Variants in TPSAB1 observed in about 807,000 individuals in gnomAD.
The protein encoded by TPSAB1 is tryptase alpha/beta 1, also known as tryptase alpha/beta-1.
In TPSAB1, 15 loss-of-function variants were observed where a neutral mutation model predicts 21.8. That is an observed-to-expected ratio of 0.69 (90% CI 0.46 to 1.06). The LOEUF (loss-of-function observed/expected upper bound fraction) is 1.06. Ranked by LOEUF, TPSAB1 falls within the 50% of genes least tolerant of loss-of-function variation. The pLI, the probability that TPSAB1 is intolerant of heterozygous loss-of-function variation, is 0.00. For synonymous variants in TPSAB1, 74 were observed against 140.4 expected (o/e 0.53, Z 3.34); for missense variants, 186 against 311.2 (o/e 0.60, Z 3.03).
chr16:1,242,289 G>A lies in TPSAB1; in HGVS notation c.*49G>A, dbSNP rs543496488. 1 of 1,607,958 alleles carries A rather than the reference G, an allele frequency of 6.2e-7. No homozygotes were observed. The highest frequency in any genetic ancestry group is 1.7e-5 in the Admixed American group (1 of 59,776). On this transcript the variant is annotated 3_prime_UTR_variant, in exon 6 of 6. Transcript: ENST00000338844. ...GGTCACTGGAGGACCAACCCCTGCT[G>A]TCCAAAACACCACTGCTTCCTACCC...
Position 1,241,644 on chromosome 16 carries a change from CT to C in TPSAB1, c.446del (p.Phe149SerfsTer27), listed in dbSNP as rs2030651965. On this transcript the variant is annotated frameshift_variant, in exon 4 of 6. Coordinates refer to ENST00000338844, the MANE Select transcript of TPSAB1 (RefSeq NM_003294.4). LOFTEE classifies it high-confidence loss of function. ...TCACCCTGCCCCCTGCCTCAGAGAC[CT>C]TCCCCCCGGGGATGCCGTGCTGGGT... ...TVTLPPASETFPPGMPCWVTG... is the reference protein window; with the variant it reads ...TVTLPPASETXPPGMPCWVTG... The C allele has an allele frequency of 1.2e-6, 1 of 833,458 alleles. No individual in the cohort carries two copies. Among genetic ancestry groups the C allele is most frequent in the Non-Finnish European group, 1.8e-6 (1 of 563,486 alleles). The allele number at this position is 833,458 out of a possible 1,614,324, so 51.6% of individuals were successfully genotyped here.
Position 1,242,375 on chromosome 16 carries a change from G to A in TPSAB1, c.*135G>A, listed in dbSNP as rs1196774720. 25 of 622,014 alleles carry A rather than the reference G, an allele frequency of 4.0e-5. No homozygotes were observed. The highest frequency in any genetic ancestry group is 6.4e-5 in the African/African-American group (3 of 46,782). The allele number at this position is 622,014 out of a possible 1,614,324, so 38.5% of individuals were successfully genotyped here. A position where few individuals can be genotyped will look rare whatever the true frequency, so the allele number is the denominator to read the frequency against. On this transcript the variant is annotated 3_prime_UTR_variant, in exon 6 of 6. Coordinates refer to ENST00000338844, the MANE Select transcript of TPSAB1 (RefSeq NM_003294.4). ...TCCTGAGTGCCCCTTCCTGTCCTAA[G>A]CCCCCTGCTCTCTTCTGAGCCCCTT...
Position 1,241,573 on chromosome 16 carries a change from C to G in TPSAB1, c.373C>G (p.Leu125Val). 7.6e-7 allele frequency: 1 copy of G among 1,314,888 alleles called. No individual in the cohort carries two copies. 81.5% of individuals were successfully genotyped at this position (1,314,888 alleles called of 1,614,324 possible). The change falls in exon 4 of 6, where the codon CTG becomes GTG. Residue 125 changes from leucine to valine, a missense_variant. Around this residue, in one of 4 missense-constraint regions of TPSAB1, gnomAD observed 10 missense variants for 104.5 expected, o/e 0.10. Transcript: ENST00000338844. The part of the protein sequence containing the change: ...TAQIGADIAL[L>V]ELEEPVNVSS... ...CCAGATCGGAGCGGACATCGCCCTG[C>G]TGGAGCTGGAGGAGCCGGTGAACGT...
At chr16:1,242,032 A>ACCCC in intron 5 of TPSAB1, 42 bp downstream of exon 5, 2 of 166,938 alleles carry the variant, frequency 1.2e-5, no homozygotes, top group Non-Finnish European at 8.1e-6. Context: ...CCCAACCCCC[A>ACCCC]CTCCCAGGCC....
In TPSAB1 at chr16:1,242,214, C is replaced by T. The variant is rs778481372; in HGVS notation, c.802C>T (p.His268Tyr). The change falls in exon 6 of 6, where the codon CAC becomes TAC. Residue 268 changes from histidine to tyrosine, a missense_variant. His to Tyr is a moderately conservative substitution (Grantham distance 83). Around this residue, in one of 4 missense-constraint regions of TPSAB1, gnomAD observed 85 missense variants for 104.3 expected, o/e 0.81. Transcript: ENST00000338844. ...TRVTYYLDWI[H>Y]HYVPKKP ...TGTCACCTACTACTTGGACTGGATCCACCACTATGTCCCCAAAAAGCCGTG... is the reference window on the plus strand; with the variant it reads ...TGTCACCTACTACTTGGACTGGATCTACCACTATGTCCCCAAAAAGCCGTG... 27 of 1,610,320 alleles carry T rather than the reference C, an allele frequency of 1.7e-5. No homozygotes were observed. In the Middle Eastern group the frequency reaches 3.1e-3, roughly 188 times the overall value.
In TPSAB1 at chr16:1,242,188, G is replaced by T. The variant is rs764277727; in HGVS notation, c.776G>T (p.Arg259Leu). 4 of 1,602,344 alleles carry T rather than the reference G, an allele frequency of 2.5e-6. No homozygotes were observed. The South Asian group carries it at 4.5e-5, about 18-fold the overall frequency. Residue 259 changes from arginine to leucine, a missense_variant, in exon 6 of 6, where the codon CGT becomes CTT. Physicochemically the swap from Arg to Leu is moderately radical, Grantham distance 102 (BLOSUM62 -2). This residue lies in a region of TPSAB1 where 85 missense variants were observed against 104.3 expected (regional missense o/e 0.81). Coordinates refer to ENST00000338844, the MANE Select transcript of TPSAB1 (RefSeq NM_003294.4). ...CCCAACCGGCCTGGCATCTACACCCGTGTCACCTACTACTTGGACTGGATC... is the reference window on the plus strand; with the variant it reads ...CCCAACCGGCCTGGCATCTACACCCTTGTCACCTACTACTTGGACTGGATC... Reference protein sequence around the residue: ...AQPNRPGIYTRVTYYLDWIHH... With the variant: ...AQPNRPGIYTLVTYYLDWIHH...
rs760213 is a variant in TPSAB1, at chr16:1,241,074, T to C, written c.61+75T>C. ...AGGGCCTGGGTGGGTTCTGGGGAGG[T>C]CGGGCTGGCCCCCACACAGGGAAGG... On this transcript the variant is annotated intron_variant, in intron 2 of 5. Coordinates refer to ENST00000338844, the MANE Select transcript of TPSAB1 (RefSeq NM_003294.4). 666,096 of 1,414,330 alleles carry C rather than the reference T, an allele frequency of 0.47. 141,385 individuals are homozygous for C. The highest frequency in any genetic ancestry group is 0.8 in the East Asian group (31,616 of 39,736). 87.6% of individuals were successfully genotyped at this position (1,414,330 alleles called of 1,614,324 possible). A position where few individuals can be genotyped will look rare whatever the true frequency, so the allele number is the denominator to read the frequency against.
At position 1,242,284 on chromosome 16, in the gene TPSAB1, C is replaced by G. The variant is rs772352361; in HGVS notation, c.*44C>G. 2.5e-6 allele frequency: 4 copies of G among 1,609,768 alleles called. No homozygotes were observed. The highest frequency in any genetic ancestry group is 2.7e-5 in the African/African-American group (2 of 74,712). ...ACCTGGGTCACTGGAGGACCAACCC[C>G]TGCTGTCCAAAACACCACTGCTTCC... On this transcript the variant is annotated 3_prime_UTR_variant, in exon 6 of 6. Coordinates refer to ENST00000338844, the MANE Select transcript of TPSAB1 (RefSeq NM_003294.4).
chr16:1,242,358 GC>G lies in TPSAB1; in HGVS notation c.*122del, dbSNP rs2030691347. On this transcript the variant is annotated 3_prime_UTR_variant, in exon 6 of 6. Coordinates refer to ENST00000338844, the MANE Select transcript of TPSAB1 (RefSeq NM_003294.4). ...ACACCTTCCCTGCCCCGTCCTGAGT[GC>G]CCCTTCCTGTCCTAAGCCCCCTGCT... The G allele has an allele frequency of 1.5e-6, 1 of 683,314 alleles. No homozygotes were observed. The highest frequency in any genetic ancestry group is 2.5e-6 in the Non-Finnish European group (1 of 400,826). The allele number at this position is 683,314 out of a possible 1,614,324, so 42.3% of individuals were successfully genotyped here. A position where few individuals can be genotyped will look rare whatever the true frequency, so the allele number is the denominator to read the frequency against.
Position 1,241,199 on chromosome 16 carries a change from G to A in TPSAB1, c.108G>A (p.Glu36=), listed in dbSNP as rs2030629737. ...LQRVGIVGGQ[E]APRSKWPWQV... Reference sequence around the variant, plus strand: ...GAGTGGGCATCGTCGGGGGTCAGGAGGCCCCCAGGAGCAAGTGGCCCTGGC... The same window carrying A: ...GAGTGGGCATCGTCGGGGGTCAGGAAGCCCCCAGGAGCAAGTGGCCCTGGC... Residue 36 remains glutamate (E), a synonymous_variant, in exon 3 of 6, where the codon GAG becomes GAA. Coordinates refer to ENST00000338844, the MANE Select transcript of TPSAB1 (RefSeq NM_003294.4). 6.2e-7 allele frequency: 1 copy of A among 1,611,110 alleles called. No individual in the cohort carries two copies. The highest frequency in any genetic ancestry group is 8.5e-7 in the Non-Finnish European group (1 of 1,179,328).
chr16:1,241,327 G>A lies in TPSAB1; in HGVS notation c.233+3G>A, dbSNP rs1426959847. ...ACCGCAGCGCACTGCGTGGGACCGT[G>A]AGTCTCCCGGGGCCTGGAGGGGTGG... On this transcript the variant is annotated splice_donor_region_variant and intron_variant, in intron 3 of 5. Transcript: ENST00000338844. The A allele has an allele frequency of 6.2e-7, 1 of 1,611,828 alleles. No individual in the cohort carries two copies. Among genetic ancestry groups the A allele is most frequent in the Non-Finnish European group, 8.5e-7 (1 of 1,178,842 alleles).
At chr16:1,242,020 C>CCCCCCACCCCCCCCA in intron 5 of TPSAB1, 30 bp downstream of exon 5, 5 of 252,478 alleles carry the variant, frequency 2.0e-5, no homozygotes, top group South Asian at 2.9e-5. Context: ...CGCCCCCCGC[C>CCCCCCACCCCCCCCA]CCCCAACCCC....
Position 1,241,153 on chromosome 16 carries a change from C to G in TPSAB1, c.62C>G (p.Ala21Gly). ...GGTCCTGACCTGGCACCTGCCCCAG[C>G]CCCAGGCCAGGCCCTGCAGCGAGTG... Reference protein sequence around the residue: ...VLASRAYAAPAPGQALQRVGI... With the variant: ...VLASRAYAAPGPGQALQRVGI... The change falls in exon 3 of 6, where the codon GCC (alanine) becomes GGC (glycine). Residue 21 changes from alanine to glycine, a missense_variant and splice_region_variant. Coordinates refer to ENST00000338844, the MANE Select transcript of TPSAB1 (RefSeq NM_003294.4). The G allele has an allele frequency of 3.8e-6, 6 of 1,586,730 alleles. No individual in the cohort carries two copies. Among genetic ancestry groups the G allele is most frequent in the Non-Finnish European group, 4.3e-6 (5 of 1,168,240 alleles).
Position 1,242,121 on chromosome 16 carries a change from C to T in TPSAB1, c.709C>T (p.Leu237=). ...GGTGTGCAAGGTGAATGGCACCTGG[C>T]TGCAGGCGGGCGTGGTCAGCTGGGG... ...PLVCKVNGTW[L]QAGVVSWGEG... Residue 237 remains leucine (L), a synonymous_variant, in exon 6 of 6, where the codon CTG becomes TTG. Coordinates refer to ENST00000338844, the MANE Select transcript of TPSAB1 (RefSeq NM_003294.4). 1 of 1,526,644 alleles carries T rather than the reference C, an allele frequency of 6.6e-7. No individual in the cohort carries two copies. Among genetic ancestry groups the T allele is most frequent in the Non-Finnish European group, 8.7e-7 (1 of 1,146,070 alleles). The allele number at this position is 1,526,644 out of a possible 1,614,324, so 94.6% of individuals were successfully genotyped here.
rs764001159 is a variant in TPSAB1 at position 1,241,232 on chromosome 16, C to T, written c.141C>T (p.Ser47=). Residue 47 remains serine, a synonymous_variant, in exon 3 of 6, where the codon AGC becomes AGT. Transcript: ENST00000338844. ...GGAGCAAGTGGCCCTGGCAGGTGAG[C>T]CTGAGAGTCCACGGCCCATACTGGA... ...APRSKWPWQV[S]LRVHGPYWMH... is the part of the protein sequence containing the mutation. The T allele has an allele frequency of 2.5e-6, 4 of 1,612,148 alleles. No homozygotes were observed. In the South Asian group the frequency reaches 3.3e-5, roughly 13 times the overall value.
chr16:1,242,462 G>C lies in TPSAB1; in HGVS notation c.*222G>C. On this transcript the variant is annotated 3_prime_UTR_variant, in exon 6 of 6. Coordinates refer to ENST00000338844, the MANE Select transcript of TPSAB1 (RefSeq NM_003294.4). ...CTTCCCTGTCCTAAGCCTGACGCCTGCACCGGGCCCTCCAGCCCTCCCCTG... is the reference window on the plus strand; with the variant it reads ...CTTCCCTGTCCTAAGCCTGACGCCTCCACCGGGCCCTCCAGCCCTCCCCTG... The C allele has an allele frequency of 9.5e-6, 3 of 314,274 alleles. 1 individual carries two copies. In the Admixed American group the frequency reaches 1.8e-4, roughly 19 times the overall value. The allele number at this position is 314,274 out of a possible 1,614,324, so 19.5% of individuals were successfully genotyped here. A position where few individuals can be genotyped will look rare whatever the true frequency, so the allele number is the denominator to read the frequency against.
chr16:1,241,763 T>C (rs1596495679), intron 4 of TPSAB1, 64 bp downstream of exon 4: 1 of 161,276 alleles, frequency 6.2e-6, no homozygotes, highest in East Asian at 1.8e-4. Context: ...CTGGGCTCCC[T>C]CTGGGCTCCA....
Position 1,242,313 on chromosome 16 carries a change from C to A in TPSAB1, c.*73C>A, listed in dbSNP as rs879642866. 1.3e-4 allele frequency: 203 copies of A among 1,586,990 alleles called. 1 individual carries two copies. Among genetic ancestry groups the A allele is most frequent in the Non-Finnish European group, 1.7e-4 (195 of 1,165,000 alleles). ...TGTCCAAAACACCACTGCTTCCTAC[C>A]CAGGTGGCGACTGCCCCCCACACCT... is the stretch of plus-strand genomic sequence containing the variant. On this transcript the variant is annotated 3_prime_UTR_variant, in exon 6 of 6. Coordinates refer to ENST00000338844, the MANE Select transcript of TPSAB1 (RefSeq NM_003294.4).
chr16:1,242,147 C>T lies in TPSAB1; in HGVS notation c.735C>T (p.Gly245=), dbSNP rs147278526. Residue 245 remains glycine (G), a synonymous_variant, in exon 6 of 6, where the codon GGC becomes GGT. Transcript: ENST00000338844. ...TWLQAGVVSW[G]EGCAQPNRPG... ...TGCAGGCGGGCGTGGTCAGCTGGGG[C>T]GAGGGCTGTGCCCAGCCCAACCGGC... 2,788 of 1,589,752 alleles carry T rather than the reference C, an allele frequency of 1.8e-3. 20 individuals are homozygous for T. The highest frequency in any genetic ancestry group is 2.2e-3 in the Non-Finnish European group (2,613 of 1,171,040).
Sources: allele counts gnomAD v4.1 joint callset, GRCh38; gene constraint gnomAD v4.1.1; regional missense constraint gnomAD v4.1.1; transcripts MANE v1.5; gene names NCBI Gene and HGNC (gene_info 2026-07-23, HGNC 2026-07-21).